The following AFG2A variants were observed in gnomAD, a reference collection of about 807,000 sequenced individuals.
The protein encoded by AFG2A is ATPase family gene 2 protein homolog A.
chr4:123,152,212 A>G, the AFG2A span, among the ~76,000 whole-genome samples: 20 of 152,146 alleles, frequency 1.3e-4, no homozygotes. Context: ...CAAACCCACC[A>G]TGGCACATGT....
the AFG2A span, among the ~76,000 whole-genome samples, chr4:123,100,389 G>C: frequency 6.6e-6 from 1 of 151,762 alleles, no homozygotes; most frequent in Admixed American, 6.6e-5. Context: ...AAAACTGTTA[G>C]TTATCTTGTC....
At chr4:123,189,754 T>TGTACTA in the AFG2A span, among the ~76,000 whole-genome samples, 1 of 151,908 alleles carries the variant, frequency 6.6e-6, no homozygotes, top group Non-Finnish European at 1.5e-5. Flanking sequence ...ATAGATTAAT[T>TGTACTA]GTACTAGTTT....
chr4:123,274,181 G>A, the AFG2A span, among the ~76,000 whole-genome samples: 1 of 151,926 alleles, frequency 6.6e-6, no homozygotes, highest in Non-Finnish European at 1.5e-5. Flanking sequence ...ATCTGAGAAC[G>A]ATTTTCATTT....
chr4:122,928,497 GCTTTAAAGGTC>G, the AFG2A span, among the ~76,000 whole-genome samples: 1 of 152,030 alleles, frequency 6.6e-6, no homozygotes, highest in Non-Finnish European at 1.5e-5. Context: ...TCTGGCTTAT[GCTTTAAAGGTC>G]CTTTACTGTG....
chr4:123,024,370 A>G, the AFG2A span, among the ~76,000 whole-genome samples: 3 of 152,290 alleles, frequency 2.0e-5, no homozygotes, highest in Admixed American at 2.0e-4. Flanking sequence ...ATCCCAAGTC[A>G]CCTAAAGTAC....
At chr4:122,927,693 A>G in the AFG2A span, 5 of 1,613,198 alleles carry the variant, frequency 3.1e-6, no homozygotes, top group African/African-American at 2.7e-5. Flanking sequence ...ACTCAACACT[A>G]TGAAGTCTGC....
the AFG2A span, among the ~76,000 whole-genome samples, chr4:123,141,823 A>T: frequency 6.6e-6 from 1 of 152,236 alleles, no homozygotes; most frequent in Non-Finnish European, 1.5e-5. Context: ...CCCTTATCAG[A>T]TAGATGATTT....
At chr4:123,137,573 T>G in the AFG2A span, among the ~76,000 whole-genome samples, 1 of 152,220 alleles carries the variant, frequency 6.6e-6, no homozygotes, top group South Asian at 2.1e-4. Context: ...TCTTTTAACA[T>G]GTATGTATTA....
the AFG2A span, among the ~76,000 whole-genome samples, chr4:123,113,106 G>T: frequency 6.6e-6 from 1 of 152,110 alleles, no homozygotes; most frequent in Non-Finnish European, 1.5e-5. Context: ...AAGGAATTAA[G>T]GGTCTGTATA....
the AFG2A span, among the ~76,000 whole-genome samples, chr4:122,939,168 C>A: frequency 1.4e-5 from 2 of 147,280 alleles, no homozygotes; most frequent in Non-Finnish European, 3.0e-5. Context: ...TCACCGCAAC[C>A]TCTGCCTCCC....
the AFG2A span, among the ~76,000 whole-genome samples, chr4:123,230,222 A>G: frequency 6.6e-6 from 1 of 151,986 alleles, no homozygotes; most frequent in African/African-American, 2.4e-5. Flanking sequence ...CATTTTACCC[A>G]CAATATAACT....
At chr4:123,170,652 C>A in the AFG2A span, among the ~76,000 whole-genome samples, 26 of 152,108 alleles carry the variant, frequency 1.7e-4, no homozygotes, top group South Asian at 5.2e-3. Context: ...CCAGGAAATT[C>A]TTTTTTGATT....
chr4:122,975,330 G>A, the AFG2A span, among the ~76,000 whole-genome samples: 2 of 152,102 alleles, frequency 1.3e-5, no homozygotes, highest in African/African-American at 2.4e-5. Flanking sequence ...TCATGAGGCT[G>A]GAGACACCTC....
chr4:122,923,289 C>A, the AFG2A span: 6 of 1,613,864 alleles, frequency 3.7e-6, no homozygotes, highest in Non-Finnish European at 5.1e-6. Flanking sequence ...TGACGGTGAC[C>A]AACTTATTAG....
chr4:123,017,230 G>A, the AFG2A span, among the ~76,000 whole-genome samples: 1 of 135,584 alleles, frequency 7.4e-6, no homozygotes, highest in African/African-American at 2.9e-5. Context: ...AGGGGGGAGA[G>A]GGAAAGGGAG....
At chr4:123,119,022 A>T in the AFG2A span, among the ~76,000 whole-genome samples, 1 of 152,096 alleles carries the variant, frequency 6.6e-6, no homozygotes, top group Non-Finnish European at 1.5e-5. Context: ...ATAACTTAAG[A>T]TACTCTGAGG....
chr4:123,136,261 C>T, the AFG2A span, among the ~76,000 whole-genome samples: 63 of 152,202 alleles, frequency 4.1e-4, no homozygotes, highest in South Asian at 8.5e-3. Flanking sequence ...TGGCCGGGTG[C>T]GGTGGCTTAC....
chr4:123,072,056 T>A, the AFG2A span, among the ~76,000 whole-genome samples: 5 of 152,300 alleles, frequency 3.3e-5, no homozygotes, highest in African/African-American at 1.2e-4. Context: ...TTTTTAAAAA[T>A]TATTTATGAT....
chr4:123,050,193 A>G, the AFG2A span, among the ~76,000 whole-genome samples: 38 of 152,048 alleles, frequency 2.5e-4, no homozygotes, highest in South Asian at 6.2e-4. Context: ...GACTGTTTTG[A>G]ATTTGTTGAG....
Sources: gnomAD v4.1 joint callset for allele counts (sites outside exome capture counted in the v4.1 genomes callset) on GRCh38, gnomAD v4.1.1 for gene constraint, MANE v1.5 for transcripts, NCBI Gene and HGNC (gene_info 2026-07-23, HGNC 2026-07-21) for gene names.